Variants in DAO observed in about 807,000 individuals in gnomAD.
DAO encodes the protein D-amino acid oxidase.
Under a neutral mutation model 50.1 loss-of-function variants are expected in DAO, and 51 were observed. The ratio of observed to expected loss-of-function variants is 1.02; its 90% CI spans 0.81 to 1.29. The LOEUF (loss-of-function observed/expected upper bound fraction) is 1.29, where lower values mean the gene tolerates loss of function less well. Among genes scored for constraint, DAO ranks in the 50% most tolerant of loss-of-function variants. The probability of loss-of-function intolerance (pLI) is 0.00; values close to 1 mark genes in which losing one functional copy is unlikely to be tolerated. For synonymous variants in DAO, 160 were observed against 166.2 expected (o/e 0.96, Z 0.29); for missense variants, 436 against 439.4 (o/e 0.99, Z 0.07).
rs200028465 is a variant in DAO at position 108,900,460 on chromosome 12, C to G, written c.969C>G (p.Ala323=). The change falls in exon 11 of 11, where the codon GCC becomes GCG. Residue 323 remains alanine, a synonymous_variant. Coordinates refer to ENST00000228476, the MANE Select transcript of DAO (RefSeq NM_001917.5). Reference sequence around the variant, plus strand: ...GGCTCACCATCCACTGGGGATGTGCCCTGGAGGCAGCCAAGCTCTTTGGGA... The same window carrying G: ...GGCTCACCATCCACTGGGGATGTGCGCTGGAGGCAGCCAAGCTCTTTGGGA... ...GYGLTIHWGC[A]LEAAKLFGRI... The G allele has an allele frequency of 9.3e-6, 15 of 1,614,152 alleles. No individual in the cohort carries two copies. The highest frequency in any genetic ancestry group is 1.3e-5 in the Non-Finnish European group (15 of 1,180,014).
At chr12:108,899,681 C>T in intron 10 of DAO, 1 of 615,982 alleles carries the variant, frequency 1.6e-6, no homozygotes, top group African/African-American at 1.8e-5. Context: ...CATAGAGGGG[C>T]AGTGGTGATG....
At chr12:108,881,969 TTTATTTTATC>T (rs1208872006) in intron 1 of DAO, among the ~76,000 whole-genome samples, 1 of 152,026 alleles carries the variant, frequency 6.6e-6, no homozygotes, top group East Asian at 1.9e-4. Context: ...TTTATTTTAT[TTTATTTTATC>T]TTATTTTATA....
intron 1 of DAO, among the ~76,000 whole-genome samples, chr12:108,882,494 CAA>C (rs1047820019): frequency 4.6e-5 from 7 of 152,108 alleles, no homozygotes; most frequent in Non-Finnish European, 8.8e-5. Context: ...GCCTGGGCGA[CAA>C]GAGTGAAACT....
chr12:108,885,679 G>A (rs114887736), intron 2 of DAO, among the ~76,000 whole-genome samples: 2,110 of 152,226 alleles, frequency 0.014, 44 homozygotes, highest in African/African-American at 0.046. Context: ...GCTTTGTCTC[G>A]TCTTCCCTAA....
At chr12:108,899,851 C>G in intron 10 of DAO, 1 of 338,450 alleles carries the variant, frequency 3.0e-6, no homozygotes, top group Non-Finnish European at 5.7e-6. Flanking sequence ...CTAACTGTCT[C>G]ATTGGCAATA....
At chr12:108,896,968 A>G (rs1484120724) in intron 7 of DAO, 38 bp from the exon 8 acceptor site, 3 of 1,515,796 alleles carry the variant, frequency 2.0e-6, no homozygotes, top group Non-Finnish European at 2.8e-6. Flanking sequence ...ACATTGACTC[A>G]CCTCCGCTGA....
chr12:108,892,659 G>A (rs2039504835), intron 5 of DAO, among the ~76,000 whole-genome samples: 1 of 152,152 alleles, frequency 6.6e-6, no homozygotes, highest in Non-Finnish European at 1.5e-5. Context: ...GTGGTCATAG[G>A]AAGTGCTGGG....
At position 108,889,564 on chromosome 12, in the gene DAO, G is replaced by A; in HGVS notation, c.386+19G>A. ...ATTACGGGTGAGTTTATTGTCACAG[G>A]CAAAGGGGACTGGGGCCTGACGAGT... On this transcript the variant is annotated intron_variant, in intron 4 of 10. Transcript: ENST00000228476. 6.2e-7 allele frequency: 1 copy of A among 1,600,320 alleles called. No individual in the cohort carries two copies. The highest frequency in any genetic ancestry group is 8.6e-7 in the Non-Finnish European group (1 of 1,168,674).
At chr12:108,887,284 G>A (rs1293501842) in intron 2 of DAO, among the ~76,000 whole-genome samples, 166 bp from the exon 3 acceptor site, 1 of 152,166 alleles carries the variant, frequency 6.6e-6, no homozygotes, top group East Asian at 1.9e-4. Flanking sequence ...ATTTAGGAGG[G>A]AGAAGACCCA....
At position 108,900,430 on chromosome 12, in the gene DAO, C is replaced by A. The variant is rs755937780; in HGVS notation, c.939C>A (p.Gly313=). The A allele has an allele frequency of 1.2e-6, 2 of 1,614,106 alleles. No individual in the cohort carries two copies. The highest frequency in any genetic ancestry group is 1.7e-6 in the Non-Finnish European group (2 of 1,179,984). ...TCATCCACAACTATGGCCATGGAGG[C>A]TACGGGCTCACCATCCACTGGGGAT... The part of the protein sequence containing the change: ...TEVIHNYGHG[G]YGLTIHWGCA... Residue 313 remains glycine (G), a synonymous_variant, in exon 11 of 11, where the codon GGC becomes GGA. Transcript: ENST00000228476.
At chr12:108,897,173 C>G (rs2039569288) in intron 8 of DAO, 85 bp downstream of exon 8, 1 of 906,838 alleles carries the variant, frequency 1.1e-6, no homozygotes, top group African/African-American at 1.6e-5. Context: ...GCTCCTTACT[C>G]CCTGCAGTTG....
intron 2 of DAO, among the ~76,000 whole-genome samples, chr12:108,886,337 T>G (rs918190411): frequency 7.9e-5 from 12 of 152,062 alleles, no homozygotes; most frequent in African/African-American, 2.4e-4. Flanking sequence ...TCTAGAAAAC[T>G]TCTAAGTGGG....
Position 108,884,993 on chromosome 12 carries a change from C to T in DAO, c.-9-5C>T. ...ATGTTGTGCCTCAACCCTTCCTTCC[C>T]ACAGGCTGCTGCAATGCGTGTGGTG... On this transcript the variant is annotated splice_region_variant and splice_polypyrimidine_tract_variant and intron_variant, in intron 1 of 10. Transcript: ENST00000228476. 1 of 1,613,974 alleles carries T rather than the reference C, an allele frequency of 6.2e-7. No individual in the cohort carries two copies. The highest frequency in any genetic ancestry group is 8.5e-7 in the Non-Finnish European group (1 of 1,179,894).
intron 5 of DAO, among the ~76,000 whole-genome samples, chr12:108,891,722 CA>C (rs765948910): frequency 1.3e-5 from 2 of 151,972 alleles, no homozygotes; most frequent in Non-Finnish European, 2.9e-5. Flanking sequence ...CCTCAGCCTC[CA>C]AAGTAGCTGG....
chr12:108,895,638 G>T (rs2039544945), intron 7 of DAO, among the ~76,000 whole-genome samples: 2 of 149,966 alleles, frequency 1.3e-5, no homozygotes, highest in East Asian at 2.0e-4. Flanking sequence ...ATGTGTGTGA[G>T]GGTATGTGTG....
chr12:108,900,439 C>T lies in DAO; in HGVS notation c.948C>T (p.Leu316=). Residue 316 remains leucine, a synonymous_variant, in exon 11 of 11, where the codon CTC becomes CTT. Transcript: ENST00000228476. ...ACTATGGCCATGGAGGCTACGGGCTCACCATCCACTGGGGATGTGCCCTGG... is the reference window on the plus strand; with the variant it reads ...ACTATGGCCATGGAGGCTACGGGCTTACCATCCACTGGGGATGTGCCCTGG... ...IHNYGHGGYG[L]TIHWGCALEA... is the part of the protein sequence containing the mutation. 1.2e-6 allele frequency: 2 copies of T among 1,614,152 alleles called. No homozygotes were observed. Among genetic ancestry groups the T allele is most frequent in the Non-Finnish European group, 1.7e-6 (2 of 1,180,002 alleles).
chr12:108,883,758 A>G, intron 1 of DAO: 2 of 407,930 alleles, frequency 4.9e-6, no homozygotes, highest in South Asian at 3.4e-5. Flanking sequence ...AGCTGGAAGG[A>G]GAATTGCCTA....
At chr12:108,895,450 T>G (rs559466083) in intron 7 of DAO, among the ~76,000 whole-genome samples, 8 of 145,684 alleles carry the variant, frequency 5.5e-5, no homozygotes, top group African/African-American at 1.8e-4. Flanking sequence ...TGACGGTGTG[T>G]GTGCACGTAT....
chr12:108,900,381 A>C (rs201607867), intron 10 of DAO, 23 bp from the exon 11 acceptor site: 3 of 1,613,368 alleles, frequency 1.9e-6, no homozygotes, highest in Middle Eastern at 1.7e-4. Flanking sequence ...GGACCTGGCC[A>C]CCTTCTCTCT....
Sources: gnomAD v4.1 joint callset for allele counts (sites outside exome capture counted in the v4.1 genomes callset) on GRCh38, gnomAD v4.1.1 for gene constraint, MANE v1.5 for transcripts, NCBI Gene and HGNC (gene_info 2026-07-23, HGNC 2026-07-21) for gene names.